Variants in ARHGAP22 observed in about 807,000 individuals in gnomAD.
The protein encoded by ARHGAP22 is Rho GTPase activating protein 22, also known as rho GTPase-activating protein 22.
ARHGAP22 carries 48 observed loss-of-function variants against 59.1 expected under a neutral mutation model. That is an observed-to-expected ratio of 0.81 (90% CI 0.64 to 1.03). The LOEUF is 1.03. ARHGAP22 is among the 50% of genes least tolerant of loss of function. The pLI, the probability that ARHGAP22 is intolerant of heterozygous loss-of-function variation, is 0.00. For synonymous variants in ARHGAP22, 445 were observed against 416.4 expected, an observed-to-expected ratio of 1.07 and a Z score of -0.84; for missense variants, 1,015 against 958.7, an observed-to-expected ratio of 1.06 and a Z score of -0.78.
At chr10:48,645,837 G>A (rs546248240) in intron 1 of ARHGAP22, among the ~76,000 whole-genome samples, 12 of 152,150 alleles carry the variant, frequency 7.9e-5, no homozygotes, top group Non-Finnish European at 1.6e-4. Flanking sequence ...AAAAAAGAGG[G>A]TCGGGAGAGG....
upstream of ARHGAP22, among the ~76,000 whole-genome samples, chr10:48,655,006 TTC>T (rs1175921556): frequency 1.6e-4 from 16 of 99,438 alleles, no homozygotes; most frequent in African/African-American, 3.5e-4. Flanking sequence ...CTCTCTTTCT[TTC>T]TCTTTCTTTC....
intron 1 of ARHGAP22, among the ~76,000 whole-genome samples, chr10:48,601,369 C>T (rs987870747): frequency 6.6e-6 from 1 of 152,198 alleles, no homozygotes; most frequent in African/African-American, 2.4e-5. Context: ...GTCCTGCAGC[C>T]TTGGGGCAAA....
chr10:48,462,108 G>A (rs1293629929), intron 4 of ARHGAP22, among the ~76,000 whole-genome samples: 1 of 152,238 alleles, frequency 6.6e-6, no homozygotes, highest in African/African-American at 2.4e-5. Flanking sequence ...GCTTTAGGGA[G>A]AAGTGTGTAC....
intron 1 of ARHGAP22, among the ~76,000 whole-genome samples, chr10:48,641,371 T>C (rs1276760888): frequency 6.6e-6 from 1 of 152,052 alleles, no homozygotes; most frequent in Non-Finnish European, 1.5e-5. Context: ...AGACACAAAC[T>C]GGTTAAAAGA....
chr10:48,605,143 C>CGGGGCGGGGCCGAGA (rs1417040121), upstream of ARHGAP22: 10 of 991,136 alleles, frequency 1.0e-5, no homozygotes, highest in Non-Finnish European at 1.2e-5. Flanking sequence ...AGCGCGGGGG[C>CGGGGCGGGGCCGAGA]GGGGCGGGGC....
At chr10:48,544,993 T>A (rs1046372702) in intron 3 of ARHGAP22, among the ~76,000 whole-genome samples, 4 of 152,206 alleles carry the variant, frequency 2.6e-5, no homozygotes, top group African/African-American at 7.2e-5. Flanking sequence ...CAATTTAGAC[T>A]TGGAAGCAAA....
chr10:48,620,831 G>T (rs938316752), intron 1 of ARHGAP22, among the ~76,000 whole-genome samples: 1 of 150,916 alleles, frequency 6.6e-6, no homozygotes, highest in African/African-American at 2.5e-5. Context: ...CAACATCCAT[G>T]ACAAGACGTC....
At chr10:48,598,149 T>C (rs1365660136) in intron 1 of ARHGAP22, among the ~76,000 whole-genome samples, 1 of 152,264 alleles carries the variant, frequency 6.6e-6, no homozygotes, top group East Asian at 1.9e-4. Flanking sequence ...GGGGCACTTA[T>C]GGATGTCTAA....
chr10:48,600,570 G>A (rs570536816), intron 1 of ARHGAP22, among the ~76,000 whole-genome samples: 1 of 151,764 alleles, frequency 6.6e-6, no homozygotes, highest in African/African-American at 2.4e-5. Context: ...AAAAAATCAG[G>A]CTGCAGTGTG....
intron 4 of ARHGAP22, among the ~76,000 whole-genome samples, chr10:48,462,867 A>G (rs768849017): frequency 6.6e-6 from 1 of 152,178 alleles, no homozygotes; most frequent in Non-Finnish European, 1.5e-5. Context: ...AGGGCCCACC[A>G]CTGACAGCGT....
chr10:48,641,751 C>T (rs1335725681), intron 1 of ARHGAP22, among the ~76,000 whole-genome samples: 1 of 152,172 alleles, frequency 6.6e-6, no homozygotes, highest in Non-Finnish European at 1.5e-5. Context: ...TCAGGGCAAT[C>T]AGGCAGGAGA....
intron 3 of ARHGAP22, among the ~76,000 whole-genome samples, chr10:48,506,916 C>A (rs1393389901): frequency 6.6e-6 from 1 of 152,188 alleles, no homozygotes; most frequent in Admixed American, 6.5e-5. Context: ...GCTTTGTCTG[C>A]TAGACTCTTA....
chr10:48,641,908 T>C (rs1221564130), intron 1 of ARHGAP22, among the ~76,000 whole-genome samples: 3 of 152,150 alleles, frequency 2.0e-5, no homozygotes, highest in South Asian at 2.1e-4. Flanking sequence ...ACAAAATCAA[T>C]GTGCAAAAAT....
intron 2 of ARHGAP22, among the ~76,000 whole-genome samples, chr10:48,558,321 T>C (rs2057440779): frequency 6.7e-6 from 1 of 149,514 alleles, no homozygotes; most frequent in African/African-American, 2.5e-5. Context: ...TATTTATCAG[T>C]AGATTTTTGC....
At chr10:48,558,879 A>G (rs2135367864) in intron 2 of ARHGAP22, among the ~76,000 whole-genome samples, 1 of 152,314 alleles carries the variant, frequency 6.6e-6, no homozygotes, top group East Asian at 1.9e-4. Context: ...ACATGAGCTC[A>G]CTCAGCACCT....
chr10:48,454,779 A>G (rs2046326426), intron 6 of ARHGAP22, among the ~76,000 whole-genome samples: 1 of 151,972 alleles, frequency 6.6e-6, no homozygotes, highest in Non-Finnish European at 1.5e-5. Flanking sequence ...GTATGGCTCC[A>G]GACAGCAGGA....
chr10:48,432,702 ATG>A, the ARHGAP22 span, among the ~76,000 whole-genome samples: 4 of 152,318 alleles, frequency 2.6e-5, no homozygotes, highest in Non-Finnish European at 5.9e-5. Flanking sequence ...GTTTGAGTAA[ATG>A]TAATAATTTC....
At chr10:48,482,949 C>T (rs1262118707) in intron 3 of ARHGAP22, among the ~76,000 whole-genome samples, 1 of 152,014 alleles carries the variant, frequency 6.6e-6, no homozygotes, top group African/African-American at 2.4e-5. Flanking sequence ...TGACTCTTCT[C>T]AGCCTCTGGT....
At chr10:48,548,122 G>A (rs769142580) in intron 3 of ARHGAP22, among the ~76,000 whole-genome samples, 1 of 152,168 alleles carries the variant, frequency 6.6e-6, no homozygotes, top group Admixed American at 6.5e-5. Flanking sequence ...GAGCCATGCC[G>A]GGATTGCAGA....
Sources: gnomAD v4.1 joint callset for allele counts (sites outside exome capture counted in the v4.1 genomes callset) on GRCh38, gnomAD v4.1.1 for gene constraint, MANE v1.5 for transcripts, NCBI Gene and HGNC (gene_info 2026-07-23, HGNC 2026-07-21) for gene names.